The following PGAP4 variants were observed in gnomAD, a reference collection of about 807,000 sequenced individuals.
The protein encoded by PGAP4 is GPI-N-acetylgalactosamine transferase PGAP4.
PGAP4 carries 12 observed loss-of-function variants against 28.2 expected under a neutral mutation model. The ratio of observed to expected loss-of-function variants is 0.42; its 90% CI spans 0.27 to 0.69. The LOEUF is 0.69. PGAP4 is among the 30% of genes least tolerant of loss of function. The pLI is 0.22. For missense variants in PGAP4, 425 were observed against 513.5 expected, an observed-to-expected ratio of 0.83 and a Z score of 1.67; for synonymous variants, 205 against 211.8, an observed-to-expected ratio of 0.97 and a Z score of 0.28.
At chr9:101,509,525 T>C (rs1212467635) in intron 2 of PGAP4, among the ~76,000 whole-genome samples, 1 of 152,184 alleles carries the variant, frequency 6.6e-6, no homozygotes, top group African/African-American at 2.4e-5. Flanking sequence ...TCAAAAACTC[T>C]GGCCAGCAAT....
chr9:101,479,364 T>C (rs1826415898), intron 1 of PGAP4, among the ~76,000 whole-genome samples: 3 of 152,220 alleles, frequency 2.0e-5, no homozygotes, highest in South Asian at 4.1e-4. Flanking sequence ...CCTTTGTTAT[T>C]ACCACAAGGG....
At chr9:101,496,821 T>C (rs1255994498) in intron 2 of PGAP4, among the ~76,000 whole-genome samples, 1 of 150,844 alleles carries the variant, frequency 6.6e-6, no homozygotes, top group Non-Finnish European at 1.5e-5. Context: ...TGTTTTACAT[T>C]CTTTGAATTT....
intron 2 of PGAP4, among the ~76,000 whole-genome samples, chr9:101,521,421 C>G (rs1175327893): frequency 6.6e-6 from 1 of 152,126 alleles, no homozygotes; most frequent in African/African-American, 2.4e-5. Flanking sequence ...GTTTCTAATT[C>G]TTTCTGATTT....
At chr9:101,502,991 ATT>A (rs1826816654) in intron 2 of PGAP4, among the ~76,000 whole-genome samples, 1 of 152,072 alleles carries the variant, frequency 6.6e-6, no homozygotes, top group Non-Finnish European at 1.5e-5. Flanking sequence ...GTGGCACAAG[ATT>A]GCCAGATGCC....
intron 1 of PGAP4, among the ~76,000 whole-genome samples, chr9:101,478,450 G>A (rs1826389738): frequency 6.6e-6 from 1 of 152,204 alleles, no homozygotes; most frequent in Admixed American, 6.5e-5. Context: ...ATTGCAAAGG[G>A]AGGATTGCCC....
At chr9:101,479,919 T>C (rs537325509) in intron 1 of PGAP4, 1 of 152,114 alleles carries the variant, frequency 6.6e-6, no homozygotes, top group Non-Finnish European at 1.5e-5. Context: ...AGTCAAAACA[T>C]GCAGGTACAT....
chr9:101,476,348 C>T lies in PGAP4; in HGVS notation c.745G>A (p.Glu249Lys), dbSNP rs761442054. 7 of 1,614,024 alleles carry T rather than the reference C, an allele frequency of 4.3e-6. No individual in the cohort carries two copies. The highest frequency in any genetic ancestry group is 5.9e-6 in the Non-Finnish European group (7 of 1,180,026). ...GGATTGATGTAGTGCTGGAGCCTCT[C>T]GGGGTGATACAGCTTGAGATAAAGG... ...DALYLKLYHP[E>K]RLQHYINPEP... Residue 249 changes from glutamate to lysine, a missense_variant, in exon 2 of 2, where the codon GAG (glutamate) becomes AAG (lysine). Glu to Lys is a moderately conservative substitution (Grantham distance 56, BLOSUM62 1). Coordinates refer to ENST00000374848, the MANE Select transcript of PGAP4 (RefSeq NM_032342.3). This position sits in a 1 kb window ranked among gnomAD's most constrained non-coding sequence, Gnocchi z 7.0.
exon 1 of PGAP4, chr9:101,532,837 A>G (rs1176483747): frequency 1.3e-5 from 2 of 152,192 alleles, no homozygotes; most frequent in African/African-American, 4.8e-5. Context: ...CCTAGCAGGT[A>G]CAGGGACAAA....
intron 2 of PGAP4, among the ~76,000 whole-genome samples, chr9:101,492,719 T>A (rs1003071428): frequency 6.6e-6 from 1 of 152,132 alleles, no homozygotes; most frequent in African/African-American, 2.4e-5. Context: ...CAGCTTCTGA[T>A]TTTTTAGACT....
intron 2 of PGAP4, among the ~76,000 whole-genome samples, chr9:101,524,068 C>G (rs1827011806): frequency 6.6e-6 from 1 of 151,858 alleles, no homozygotes; most frequent in Non-Finnish European, 1.5e-5. Context: ...GTTGTCTGCA[C>G]AAGAGTGCTG....
At chr9:101,514,990 T>A (rs1341115600) in intron 2 of PGAP4, among the ~76,000 whole-genome samples, 2 of 152,206 alleles carry the variant, frequency 1.3e-5, no homozygotes, top group African/African-American at 4.8e-5. Context: ...ATATATGTGA[T>A]GCTATTTTAC....
At chr9:101,493,804 A>G (rs1330212855) in intron 2 of PGAP4, among the ~76,000 whole-genome samples, 1 of 152,106 alleles carries the variant, frequency 6.6e-6, no homozygotes, top group Non-Finnish European at 1.5e-5. Flanking sequence ...GTTTCTTAAA[A>G]TCCATTTAGT....
In PGAP4 at chr9:101,499,163, G is replaced by C. The variant is rs192175181; in HGVS notation, c.-164-9963C>G. Among the ~76,000 whole-genome samples the C allele has an allele frequency of 6.5e-4, 99 of 152,136 alleles. 1 individual carries two copies. The highest frequency in any genetic ancestry group is 5.9e-4 in the Admixed American group (9 of 15,232). On this transcript the variant is annotated intron_variant, in intron 2 of 3. Coordinates refer to the PGAP4 transcript ENST00000374851. ...ATTTTATAGCCCAGAAGCGATGTAA[G>C]ATTTCTTATTAAAGTGGCCTTATTT...
intron 1 of PGAP4, among the ~76,000 whole-genome samples, 178 bp from the exon 2 acceptor site, chr9:101,477,347 T>C (rs1296309369): frequency 1.7e-5 from 2 of 119,934 alleles, no homozygotes; most frequent in African/African-American, 6.6e-5. Context: ...CATTCTTTGG[T>C]TGTGTCTGCT....
upstream of PGAP4, among the ~76,000 whole-genome samples, chr9:101,492,105 A>G (rs1456044974): frequency 1.3e-5 from 2 of 151,904 alleles, no homozygotes; most frequent in Admixed American, 6.6e-5. Context: ...TTTTAGTTGT[A>G]TAAGTTTTTG....
At chr9:101,506,885 C>T (rs1026828850) in intron 2 of PGAP4, among the ~76,000 whole-genome samples, 1 of 152,092 alleles carries the variant, frequency 6.6e-6, no homozygotes, top group African/African-American at 2.4e-5. Context: ...AAAAACCTAA[C>T]AGCCAAAGGT....
chr9:101,501,489 AG>A (rs1826798417), intron 2 of PGAP4, among the ~76,000 whole-genome samples: 1 of 152,004 alleles, frequency 6.6e-6, no homozygotes, highest in Non-Finnish European at 1.5e-5. Context: ...TTCAAGTTTC[AG>A]TTATTTATTA....
At chr9:101,532,132 T>C (rs1827098909) in intron 1 of PGAP4, among the ~76,000 whole-genome samples, 1 of 152,098 alleles carries the variant, frequency 6.6e-6, no homozygotes, top group Non-Finnish European at 1.5e-5. Context: ...TAGCCAGGTG[T>C]GGTGGCGTGT....
At chr9:101,477,231 C>CAAACAAAA (rs1554707408) in intron 1 of PGAP4, 62 bp from the exon 2 acceptor site, 8 of 1,304,612 alleles carry the variant, frequency 6.1e-6, no homozygotes, top group South Asian at 3.6e-5. Context: ...AACAAACAAA[C>CAAACAAAA]AAAAAAACAA....
Sources: gnomAD v4.1 joint callset for allele counts (sites outside exome capture counted in the v4.1 genomes callset) on GRCh38, gnomAD v4.1.1 for gene constraint, Gnocchi (gnomAD v3.1) non-coding constraint, MANE v1.5 for transcripts, NCBI Gene and HGNC (gene_info 2026-07-23, HGNC 2026-07-21) for gene names.